GSE1: variants seen among roughly 807,000 people sequenced by gnomAD.
GSE1 encodes Gse1 coiled-coil protein.
Under a neutral mutation model 112.6 loss-of-function variants are expected in GSE1, and 32 were observed. That is an observed-to-expected ratio of 0.28 (90% CI 0.21 to 0.38). GSE1 has a LOEUF of 0.38. Among genes scored for constraint, GSE1 ranks in the 10% least tolerant of loss-of-function variants. The pLI is 1.00. For missense variants in GSE1, 2,348 were observed against 1,699.2 expected (o/e 1.38, Z -6.71); for synonymous variants, 1,115 against 735.6 (o/e 1.52, Z -8.35).
chr16:85,377,407 G>T (rs1414194233), intron 2 of GSE1, among the ~76,000 whole-genome samples: 1 of 152,190 alleles, frequency 6.6e-6, no homozygotes, highest in Admixed American at 6.5e-5. Flanking sequence ...TGGGCTGCTG[G>T]CTCCCTCAGA....
At chr16:85,573,041 T>G (rs1005929284) in intron 1 of GSE1, among the ~76,000 whole-genome samples, 1 of 152,208 alleles carries the variant, frequency 6.6e-6, no homozygotes, top group African/African-American at 2.4e-5. Flanking sequence ...AGCTAATTTT[T>G]GTATTTTTAG....
chr16:85,408,140 C>T (rs566045291), intron 2 of GSE1, among the ~76,000 whole-genome samples: 1 of 45,040 alleles, frequency 2.2e-5, no homozygotes, highest in Admixed American at 1.7e-4. Flanking sequence ...CCTGGATAAT[C>T]CTCACTGTTA....
intron 1 of GSE1, among the ~76,000 whole-genome samples, chr16:85,267,296 A>G (rs1827990713): frequency 6.6e-6 from 1 of 151,304 alleles, no homozygotes; most frequent in African/African-American, 2.5e-5. Context: ...CCCCTGGCAT[A>G]TTTTCCGAAA....
At chr16:85,309,475 C>T (rs2045770622) in intron 1 of GSE1, among the ~76,000 whole-genome samples, 2 of 151,336 alleles carry the variant, frequency 1.3e-5, no homozygotes, top group South Asian at 4.2e-4. Context: ...GCCTGGGCGA[C>T]AGAGCCAGAC....
intron 2 of GSE1, among the ~76,000 whole-genome samples, chr16:85,457,501 C>T (rs2049860926): frequency 6.6e-6 from 1 of 152,242 alleles, no homozygotes; most frequent in Non-Finnish European, 1.5e-5. Context: ...TTCACAGTCT[C>T]CCTCGTGGTG....
intron 2 of GSE1, among the ~76,000 whole-genome samples, chr16:85,402,310 A>G (rs2048134204): frequency 6.6e-6 from 1 of 152,066 alleles, no homozygotes; most frequent in Non-Finnish European, 1.5e-5. Context: ...CTCGGGGGAG[A>G]GGAGTCGCCA....
upstream of GSE1, chr16:85,613,091 C>T (rs1156373494): frequency 1.3e-5 from 10 of 786,994 alleles, no homozygotes; most frequent in African/African-American, 1.9e-5. Context: ...GATCCGGGCG[C>T]CCGTCGGTGC....
intron 1 of GSE1, among the ~76,000 whole-genome samples, chr16:85,247,299 G>T (rs975626841): frequency 4.6e-5 from 7 of 152,180 alleles, no homozygotes; most frequent in African/African-American, 1.7e-4. Context: ...CCACAATTGT[G>T]TGTTGTTTGG....
At chr16:85,515,810 A>C (rs2051913713) in intron 2 of GSE1, among the ~76,000 whole-genome samples, 1 of 151,742 alleles carries the variant, frequency 6.6e-6, no homozygotes, top group Non-Finnish European at 1.5e-5. Flanking sequence ...CCCTTTAAGC[A>C]CCCCAGAAAC....
rs1567636056 is a variant in GSE1 at position 85,246,333 on chromosome 16, C to CACACACA, written c.2283+74526_2283+74527insACACACA. Among the ~76,000 whole-genome samples, 203 of 31,554 alleles carry CACACACA rather than the reference C, an allele frequency of 6.4e-3. 4 individuals are homozygous for CACACACA. Among genetic ancestry groups the CACACACA allele is most frequent in the African/African-American group, 0.014 (104 of 7,314 alleles). 20.7% of individuals were successfully genotyped at this position (31,554 alleles called of 152,430 possible). A position where few individuals can be genotyped will look rare whatever the true frequency, so the allele number is the denominator to read the frequency against. ...TCTACACACACACACACACACACAC[C>CACACACA]CCCCACACGCTGTCTACACACACAC... is the stretch of plus-strand genomic sequence containing the variant. On this transcript the variant is annotated intron_variant, in intron 1 of 2. Coordinates refer to the GSE1 transcript ENST00000637419.
intron 1 of GSE1, chr16:85,282,913 G>C (rs2044897286): frequency 6.6e-6 from 1 of 152,364 alleles, no homozygotes; most frequent in South Asian, 2.1e-4. Flanking sequence ...TTCCAGGGGT[G>C]GCGCCACCAG....
At position 85,373,333 on chromosome 16, in the gene GSE1, T is replaced by C. The variant is rs1026469522; in HGVS notation, c.2464+15690T>C. Among the ~76,000 whole-genome samples, 83 of 152,364 alleles carry C rather than the reference T, an allele frequency of 5.4e-4. No homozygotes were observed. In the Middle Eastern group the frequency reaches 0.01, roughly 19 times the overall value. ...CAGGCTGTTGGGGTGCCTTCTCTGA[T>C]GTCTTCTATCATGGGCTGTTTGTTT... On this transcript the variant is annotated intron_variant, in intron 2 of 2. Coordinates refer to the GSE1 transcript ENST00000637419. This position sits in a 1 kb window ranked among gnomAD's most constrained non-coding sequence, Gnocchi z 5.1.
At chr16:85,536,179 C>T (rs939598543) in intron 2 of GSE1, among the ~76,000 whole-genome samples, 3 of 152,228 alleles carry the variant, frequency 2.0e-5, no homozygotes, top group Non-Finnish European at 4.4e-5. Context: ...AGGTCACCAA[C>T]AAGGCTTCTG....
chr16:85,607,964 G>A (rs535084432), upstream of GSE1, among the ~76,000 whole-genome samples: 30 of 152,172 alleles, frequency 2.0e-4, no homozygotes, highest in Non-Finnish European at 3.7e-4. Context: ...CCTTGGCTCC[G>A]TAAGGGGAGG....
chr16:85,425,520 T>A (rs1227157196), intron 2 of GSE1, among the ~76,000 whole-genome samples: 1 of 152,046 alleles, frequency 6.6e-6, no homozygotes, highest in African/African-American at 2.4e-5. Flanking sequence ...AAGGGGCTGG[T>A]CTCCTCCTAG....
At chr16:85,485,495 T>C (rs1379024875) in intron 2 of GSE1, among the ~76,000 whole-genome samples, 2 of 152,254 alleles carry the variant, frequency 1.3e-5, no homozygotes, top group East Asian at 3.8e-4. Flanking sequence ...GCTCAGGCTC[T>C]GCCTGTGGCG....
At chr16:85,620,582 G>T (rs550207810) in intron 1 of GSE1, among the ~76,000 whole-genome samples, 2 of 152,276 alleles carry the variant, frequency 1.3e-5, no homozygotes, top group East Asian at 3.8e-4. Context: ...CCACGCGGTC[G>T]TCTCTGCCGC....
intron 2 of GSE1, among the ~76,000 whole-genome samples, chr16:85,375,690 C>T (rs1348784156): frequency 2.0e-5 from 3 of 151,818 alleles, no homozygotes; most frequent in Non-Finnish European, 2.9e-5. Context: ...GCACCCAGAG[C>T]GCCATGAGCC....
At chr16:85,425,087 C>T (rs1567476154) in intron 2 of GSE1, among the ~76,000 whole-genome samples, 1 of 152,342 alleles carries the variant, frequency 6.6e-6, no homozygotes, top group East Asian at 1.9e-4. Flanking sequence ...CCCAGGACTC[C>T]GGTCGGCCCT....
Sources: allele counts gnomAD v4.1 joint callset (sites outside exome capture counted in the v4.1 genomes callset), GRCh38; gene constraint gnomAD v4.1.1; non-coding constraint Gnocchi (gnomAD v3.1); transcripts MANE v1.5; gene names NCBI Gene and HGNC (gene_info 2026-07-23, HGNC 2026-07-21).